ZNF438: variants seen among roughly 807,000 people sequenced by gnomAD.
The protein encoded by ZNF438 is zinc finger protein 438.
A neutral mutation model predicts 38.0 loss-of-function variants in ZNF438; 25 were observed. The observed-to-expected ratio is 0.66, with a 90% CI of 0.48 to 0.92. The LOEUF (loss-of-function observed/expected upper bound fraction) is 0.92. Among genes scored for constraint, ZNF438 ranks in the 40% least tolerant of loss-of-function variants. The probability of loss-of-function intolerance (pLI) is 0.00; values close to 1 mark genes in which losing one functional copy is unlikely to be tolerated. For missense variants in ZNF438, 1,007 were observed against 999.6 expected, an observed-to-expected ratio of 1.01 and a Z score of -0.10; for synonymous variants, 372 against 364.1, an observed-to-expected ratio of 1.02 and a Z score of -0.25.
At chr10:30,871,820 G>A (rs1384963556) in intron 4 of ZNF438, among the ~76,000 whole-genome samples, 2 of 152,188 alleles carry the variant, frequency 1.3e-5, no homozygotes, top group African/African-American at 4.8e-5. Context: ...AAAGATTTGG[G>A]AAATTAGTAG....
intron 1 of ZNF438, among the ~76,000 whole-genome samples, chr10:30,984,711 C>T (rs2052580100): frequency 6.6e-6 from 1 of 152,144 alleles, no homozygotes; most frequent in Non-Finnish European, 1.5e-5. Context: ...GAATGCTTCA[C>T]ATTCTTTTCC....
intron 1 of ZNF438, among the ~76,000 whole-genome samples, chr10:31,031,132 GA>G (rs1392847307): frequency 6.6e-6 from 1 of 152,210 alleles, no homozygotes; most frequent in Admixed American, 6.5e-5. Flanking sequence ...TTGTCGGGGG[GA>G]GGCAAAACAG....
At chr10:30,878,788 G>A (rs906379022) in intron 3 of ZNF438, among the ~76,000 whole-genome samples, 1 of 152,140 alleles carries the variant, frequency 6.6e-6, no homozygotes, top group African/African-American at 2.4e-5. Context: ...TGCTCCTGCC[G>A]GCACCCAAAG....
At chr10:30,917,451 T>C (rs2043776449) in intron 2 of ZNF438, among the ~76,000 whole-genome samples, 1 of 152,170 alleles carries the variant, frequency 6.6e-6, no homozygotes, top group Non-Finnish European at 1.5e-5. Flanking sequence ...TCAAGTGGTA[T>C]ACCTAATGTA....
chr10:30,992,372 T>A (rs1564810722), intron 1 of ZNF438, among the ~76,000 whole-genome samples: 4 of 151,996 alleles, frequency 2.6e-5, no homozygotes, highest in Admixed American at 6.5e-5. Context: ...TTAAGGGTGA[T>A]TCTGGTGAAG....
At chr10:30,874,749 A>T (rs933245346) in intron 4 of ZNF438, among the ~76,000 whole-genome samples, 8 of 151,486 alleles carry the variant, frequency 5.3e-5, no homozygotes, top group Non-Finnish European at 5.9e-5. Flanking sequence ...GATGATCAAA[A>T]ATTATTAGAA....
At chr10:30,998,673 G>A (rs867843927) in intron 1 of ZNF438, among the ~76,000 whole-genome samples, 14 of 148,958 alleles carry the variant, frequency 9.4e-5, no homozygotes, top group South Asian at 2.2e-4. Flanking sequence ...TTTAAAGCTA[G>A]GTATTTTATC....
chr10:30,936,771 G>A (rs997029220), intron 2 of ZNF438, among the ~76,000 whole-genome samples: 14 of 152,244 alleles, frequency 9.2e-5, no homozygotes, highest in African/African-American at 3.1e-4. Flanking sequence ...TGTCACATGT[G>A]TACTATTAAA....
chr10:30,944,602 C>T (rs940561239), intron 1 of ZNF438, among the ~76,000 whole-genome samples: 2 of 152,126 alleles, frequency 1.3e-5, no homozygotes, highest in African/African-American at 4.8e-5. Flanking sequence ...TTGACGAATG[C>T]CACTAGAGGT....
At chr10:31,025,310 A>G (rs1208760983) in intron 1 of ZNF438, among the ~76,000 whole-genome samples, 2 of 152,242 alleles carry the variant, frequency 1.3e-5, no homozygotes, top group East Asian at 3.8e-4. Flanking sequence ...ATTGTGGGAC[A>G]TTCAGTGACA....
chr10:30,917,080 C>T (rs1437713375), intron 2 of ZNF438, among the ~76,000 whole-genome samples: 1 of 151,972 alleles, frequency 6.6e-6, no homozygotes, highest in African/African-American at 2.4e-5. Context: ...CCTTGTAACC[C>T]AAATCATTAC....
chr10:30,847,577 G>A (rs2132657725), intron 5 of ZNF438, among the ~76,000 whole-genome samples: 1 of 151,648 alleles, frequency 6.6e-6, no homozygotes, highest in South Asian at 2.1e-4. Flanking sequence ...ACACAAACAG[G>A]CTGAAACACG....
chr10:30,893,212 A>T (rs2040913008), intron 3 of ZNF438, among the ~76,000 whole-genome samples: 1 of 152,228 alleles, frequency 6.6e-6, no homozygotes, highest in South Asian at 2.1e-4. Flanking sequence ...GGATTCTAAC[A>T]TGCCTATGTA....
rs143097804 is a variant in ZNF438, at chr10:30,845,688, G to C, written c.1875-115C>G. On this transcript the variant is annotated intron_variant, in intron 5 of 5. Coordinates refer to ENST00000413025, the Ensembl canonical transcript of ZNF438. ...AACATAACACTGACGAGAAAGACAA[G>C]GGCTGGGGTAAACAGAGAGCACCTG... 784 of 1,294,546 alleles carry C rather than the reference G, an allele frequency of 6.1e-4. 5 individuals are homozygous for C. The African/African-American group carries it at 8.8e-3, about 15-fold the overall frequency. The allele number at this position is 1,294,546 out of a possible 1,614,324, so 80.2% of individuals were successfully genotyped here. A position where few individuals can be genotyped will look rare whatever the true frequency, so the allele number is the denominator to read the frequency against.
At chr10:30,869,903 C>T (rs1195676506) in intron 4 of ZNF438, among the ~76,000 whole-genome samples, 1 of 152,172 alleles carries the variant, frequency 6.6e-6, no homozygotes, top group Non-Finnish European at 1.5e-5. Context: ...GCACTAAATG[C>T]AAAGCATCAA....
At chr10:30,941,683 T>C (rs1039499729) in intron 1 of ZNF438, 32 bp from the exon 3 acceptor site, 3 of 152,122 alleles carry the variant, frequency 2.0e-5, no homozygotes, top group Non-Finnish European at 4.4e-5. Flanking sequence ...ATAACAAAAT[T>C]ATAAAGAATT....
intron 1 of ZNF438, among the ~76,000 whole-genome samples, chr10:31,016,282 T>G (rs761601646): frequency 2.6e-5 from 4 of 152,172 alleles, no homozygotes; most frequent in Non-Finnish European, 4.4e-5. Flanking sequence ...TTCTAAAGTG[T>G]TGGTACAATT....
At chr10:31,000,984 G>C (rs2054596224) in intron 1 of ZNF438, among the ~76,000 whole-genome samples, 1 of 151,924 alleles carries the variant, frequency 6.6e-6, no homozygotes, top group Admixed American at 6.6e-5. Context: ...ATCTTCTAAA[G>C]TCCTGTTCGA....
In ZNF438 at chr10:30,885,108, C is replaced by T. The variant is rs1279263477; in HGVS notation, c.-31-8043G>A. 2.0e-5 allele frequency among the ~76,000 whole-genome samples: 3 copies of T among 152,192 alleles called. No individual in the cohort carries two copies. In the East Asian group the frequency reaches 5.8e-4, roughly 29 times the overall value. On this transcript the variant is annotated intron_variant, in intron 3 of 5. Coordinates refer to ENST00000413025, the Ensembl canonical transcript of ZNF438. ...TGTCATATATCATCACACTGACATA[C>T]TGTCATTCAGATAAATGCCATAATA... is the stretch of plus-strand genomic sequence containing the variant.
Sources: allele counts gnomAD v4.1 joint callset (sites outside exome capture counted in the v4.1 genomes callset), GRCh38; gene constraint gnomAD v4.1.1; transcripts MANE v1.5; gene names NCBI Gene and HGNC (gene_info 2026-07-23, HGNC 2026-07-21).